The following HK1 variants were observed in gnomAD, a reference collection of about 807,000 sequenced individuals.
HK1 encodes the protein hexokinase 1.
Under a neutral mutation model 91.6 loss-of-function variants are expected in HK1, and 28 were observed. That is an observed-to-expected ratio of 0.31 (90% CI 0.23 to 0.42). The LOEUF (loss-of-function observed/expected upper bound fraction) is 0.42. HK1 is among the 10% of genes least tolerant of loss of function. The pLI is 1.00. For missense variants in HK1, 770 were observed against 1,219.8 expected, an observed-to-expected ratio of 0.63 and a Z score of 5.49; for synonymous variants, 430 against 468.1, an observed-to-expected ratio of 0.92 and a Z score of 1.05.
chr10:69,316,206 A>C (rs1846633850), upstream of HK1, among the ~76,000 whole-genome samples: 1 of 152,156 alleles, frequency 6.6e-6, no homozygotes, highest in Non-Finnish European at 1.5e-5. Context: ...GGAAGAGATA[A>C]GTGGGAAAGA....
upstream of HK1, among the ~76,000 whole-genome samples, chr10:69,313,792 A>T (rs768412963): frequency 6.6e-5 from 10 of 152,092 alleles, no homozygotes; most frequent in Non-Finnish European, 1.5e-4. Context: ...ACCGGCCTGA[A>T]ATCTAGATTT....
upstream of HK1, chr10:69,318,203 G>A: frequency 1.0e-6 from 1 of 985,354 alleles, no homozygotes; most frequent in Non-Finnish European, 1.2e-6. Context: ...GGGCACGCCG[G>A]GGAGAGGTGA....
intron 3 of HK1, among the ~76,000 whole-genome samples, 162 bp from the exon 4 acceptor site, chr10:69,364,621 C>T (rs55793716): frequency 0.012 from 1,893 of 152,324 alleles, 20 homozygotes; most frequent in Non-Finnish European, 0.019. Context: ...CATTCACACA[C>T]AGCATGGCTT....
intron 3 of HK1, among the ~76,000 whole-genome samples, chr10:69,361,028 C>A (rs1849390959): frequency 1.5e-5 from 2 of 131,040 alleles, no homozygotes; most frequent in Admixed American, 1.4e-4. Context: ...CGAGATGAGA[C>A]CCAGGAGCCT....
At chr10:69,317,098 T>C (rs1186562209), upstream of HK1, among the ~76,000 whole-genome samples, 1 of 152,152 alleles carries the variant, frequency 6.6e-6, no homozygotes, top group Non-Finnish European at 1.5e-5. Flanking sequence ...AATATAAATA[T>C]ACAAATATCA....
chr10:69,354,481 T>A (rs547762059), intron 2 of HK1, among the ~76,000 whole-genome samples: 1 of 152,194 alleles, frequency 6.6e-6, no homozygotes, highest in East Asian at 1.9e-4. Context: ...TATAAAACCA[T>A]AAGGTCTCAT....
chr10:69,360,424 C>G (rs151178010), intron 3 of HK1, among the ~76,000 whole-genome samples: 9 of 152,332 alleles, frequency 5.9e-5, no homozygotes, highest in Non-Finnish European at 7.4e-5. Context: ...TTCTCCTGGT[C>G]ATTGGCCTCA....
At chr10:69,379,006 A>G (rs1839254710) in intron 8 of HK1, among the ~76,000 whole-genome samples, 2 of 152,124 alleles carry the variant, frequency 1.3e-5, no homozygotes, top group Admixed American at 6.5e-5. Flanking sequence ...ACACTTGTAT[A>G]TTGTTTGTTT....
At chr10:69,291,304 G>A (rs1845286842) in intron 3 of HK1, among the ~76,000 whole-genome samples, 1 of 152,226 alleles carries the variant, frequency 6.6e-6, no homozygotes, top group African/African-American at 2.4e-5. Context: ...CCAGGGAGAG[G>A]AGCACAGGTT....
chr10:69,306,218 C>T (rs1276314957), intron 5 of HK1, among the ~76,000 whole-genome samples: 2 of 151,748 alleles, frequency 1.3e-5, no homozygotes, highest in East Asian at 1.9e-4. Context: ...ATTAGCCACG[C>T]ATTGTGGCGG....
intron 3 of HK1, among the ~76,000 whole-genome samples, chr10:69,360,612 C>T (rs1230803004): frequency 6.6e-6 from 1 of 152,224 alleles, no homozygotes. Context: ...CCTCCTTTTA[C>T]ACTCCTGTTG....
chr10:69,298,188 G>A (rs893786934), intron 4 of HK1, among the ~76,000 whole-genome samples: 3 of 151,612 alleles, frequency 2.0e-5, no homozygotes, highest in Non-Finnish European at 2.9e-5. Context: ...TCCAGCCTGG[G>A]CAAGAAGAGA....
chr10:69,270,774 T>A (rs2132392831), intron 1 of HK1, among the ~76,000 whole-genome samples: 1 of 152,324 alleles, frequency 6.6e-6, no homozygotes, highest in East Asian at 1.9e-4. Context: ...AAATCTTTTA[T>A]CTGTCTTTCT....
chr10:69,371,306 T>G (rs1849986184), intron 7 of HK1, among the ~76,000 whole-genome samples: 1 of 151,108 alleles, frequency 6.6e-6, no homozygotes, highest in African/African-American at 2.4e-5. Flanking sequence ...AGTCAAAGGT[T>G]TTTTACCATA....
At chr10:69,310,023 C>G (rs1348368578) in intron 5 of HK1, among the ~76,000 whole-genome samples, 1 of 148,938 alleles carries the variant, frequency 6.7e-6, no homozygotes, top group Non-Finnish European at 1.5e-5. Flanking sequence ...GCACTCCAGC[C>G]TAGGCAACAA....
At chr10:69,330,806 ACTT>A (rs1231264552) in intron 1 of HK1, among the ~76,000 whole-genome samples, 1 of 151,754 alleles carries the variant, frequency 6.6e-6, no homozygotes, top group Non-Finnish European at 1.5e-5. Flanking sequence ...CTCCAGTCAC[ACTT>A]CTTCACGATC....
At position 69,359,997 on chromosome 10, in the gene HK1, C is replaced by T. The variant is rs1188870807; in HGVS notation, c.327C>T (p.Ser109=). ...HEKNQNVHME[S]EVYDTPENIV... is the part of the protein sequence containing the mutation. ...AAAACCAGAATGTTCACATGGAGTC[C>T]GAGGTTTATGACACCCCAGAGAACA... The change falls in exon 3 of 18, where the codon TCC becomes TCT. Residue 109 remains serine (S), a synonymous_variant. Transcript: ENST00000359426. The T allele has an allele frequency of 1.4e-5, 23 of 1,614,022 alleles. No individual in the cohort carries two copies. The highest frequency in any genetic ancestry group is 2.7e-5 in the African/African-American group (2 of 74,924).
chr10:69,295,791 G>C, intron 4 of HK1: 1 of 763,372 alleles, frequency 1.3e-6, no homozygotes. Flanking sequence ...CAGCTGTGCA[G>C]TGGCTTCTCC....
At chr10:69,319,335 G>A (rs1258585268) in intron 1 of HK1, among the ~76,000 whole-genome samples, 1 of 152,234 alleles carries the variant, frequency 6.6e-6, no homozygotes, top group Non-Finnish European at 1.5e-5. Flanking sequence ...CTTCCGCAGG[G>A]CCTGTTCGGG....
Sources: allele counts gnomAD v4.1 joint callset (sites outside exome capture counted in the v4.1 genomes callset), GRCh38; gene constraint gnomAD v4.1.1; transcripts MANE v1.5; gene names NCBI Gene and HGNC (gene_info 2026-07-23, HGNC 2026-07-21).